The following PUDP variants were observed in gnomAD, a reference collection of about 807,000 sequenced individuals.
PUDP encodes the protein pseudouridine-5'-phosphatase.
A neutral mutation model predicts 9.4 loss-of-function variants in PUDP; 8 were observed. The observed-to-expected ratio is 0.85, with a 90% CI of 0.50 to 1.53. The LOEUF is 1.53. PUDP is among the 40% of genes most tolerant of loss of function. PUDP has a pLI of 0.00. For missense variants in PUDP, 188 were observed against 189.7 expected, an observed-to-expected ratio of 0.99 and a Z score of 0.05; for synonymous variants, 99 against 80.7, an observed-to-expected ratio of 1.23 and a Z score of -1.22.
chrX:6,821,036 T>C (rs1487655474), intron 3 of PUDP, among the ~76,000 whole-genome samples: 3 of 111,219 alleles, frequency 2.7e-5, no homozygotes, highest in Non-Finnish European at 5.7e-5. Flanking sequence ...TTCTGAAATC[T>C]AGGTGGAGGT....
intron 1 of PUDP, among the ~76,000 whole-genome samples, chrX:6,708,905 A>G (rs1924500719): frequency 8.9e-6 from 1 of 112,089 alleles, no homozygotes; most frequent in African/African-American, 3.2e-5. Flanking sequence ...TAATCTACTC[A>G]GTTTTAAACA....
intron 1 of PUDP, among the ~76,000 whole-genome samples, chrX:6,993,385 C>T (rs950384588): frequency 2.7e-5 from 3 of 111,608 alleles, no homozygotes; most frequent in East Asian, 2.8e-4. Context: ...CAAAATGTAA[C>T]GAAATGTAAC....
intron 3 of PUDP, among the ~76,000 whole-genome samples, chrX:6,789,127 T>C (rs1278196289): frequency 1.8e-5 from 2 of 110,501 alleles, no homozygotes; most frequent in African/African-American, 6.6e-5. Flanking sequence ...CCGTCTCTAC[T>C]AAAAATACAA....
intron 3 of PUDP, among the ~76,000 whole-genome samples, chrX:6,850,398 C>T (rs956455564): frequency 2.7e-5 from 3 of 112,068 alleles, no homozygotes; most frequent in Non-Finnish European, 3.8e-5. Flanking sequence ...TTCCAGACAA[C>T]GTCCTAGGAT....
At chrX:6,762,023 G>A (rs747991012) in intron 3 of PUDP, among the ~76,000 whole-genome samples, 36 of 110,966 alleles carry the variant, frequency 3.2e-4, no homozygotes, top group African/African-American at 9.8e-4. Flanking sequence ...AAACCACATC[G>A]CTCCAAAAAA....
At chrX:6,711,363 C>G (rs1309262171) in intron 1 of PUDP, among the ~76,000 whole-genome samples, 2 of 110,850 alleles carry the variant, frequency 1.8e-5, no homozygotes, top group Non-Finnish European at 1.9e-5. Context: ...TCTCTCTGAG[C>G]AGCGCTCCTT....
At chrX:7,026,678 C>T (rs1929715238) in intron 1 of PUDP, among the ~76,000 whole-genome samples, 1 of 111,447 alleles carries the variant, frequency 9.0e-6, no homozygotes, top group East Asian at 2.8e-4. Context: ...TGGTTTCCAC[C>T]ATTGGGAGTG....
chrX:6,761,215 G>T (rs1280034341), intron 3 of PUDP, among the ~76,000 whole-genome samples: 1 of 111,360 alleles, frequency 9.0e-6, no homozygotes, highest in Non-Finnish European at 1.9e-5. Flanking sequence ...ATTCCTGTAC[G>T]GTCTTATTTC....
At chrX:6,838,390 A>G (rs1243787017) in intron 3 of PUDP, among the ~76,000 whole-genome samples, 4 of 112,743 alleles carry the variant, frequency 3.5e-5, no homozygotes, top group South Asian at 7.4e-4. Context: ...TGTCACGCAG[A>G]TAGCTCAGAG....
intron 3 of PUDP, among the ~76,000 whole-genome samples, chrX:7,051,184 A>C (rs5978215): frequency 9.1e-6 from 1 of 110,136 alleles, no homozygotes; most frequent in Non-Finnish European, 1.9e-5. Flanking sequence ...AAAGAAAATG[A>C]GGCATATATA....
chrX:7,040,628 T>C (rs1938275001), intron 1 of PUDP, among the ~76,000 whole-genome samples: 1 of 111,913 alleles, frequency 8.9e-6, no homozygotes, highest in Non-Finnish European at 1.9e-5. Flanking sequence ...GGAAAATAAG[T>C]GCTTGAATTT....
At chrX:6,852,331 G>A (rs773549134) in intron 3 of PUDP, among the ~76,000 whole-genome samples, 23 of 112,257 alleles carry the variant, frequency 2.0e-4, no homozygotes, top group African/African-American at 5.5e-4. Flanking sequence ...AAGGCCAATC[G>A]GGCTGATGCA....
rs749628615 is a variant in PUDP at position 7,057,754 on chromosome X, G to A, written c.511-7282C>T. ...AGCAGTTGATTACACAGAAGGAGGA[G>A]CGCTGAGAAGGGATCCCGGCAGCCC... On this transcript the variant is annotated intron_variant, in intron 3 of 3. Coordinates refer to ENST00000381077, the MANE Select transcript of PUDP (RefSeq NM_012080.5). The A allele has an allele frequency of 3.5e-6, 4 of 1,152,019 alleles. No individual in the cohort carries two copies. In the African/African-American group the frequency reaches 7.3e-5, roughly 21 times the overall value. The allele number at this position is 1,152,019 out of a possible 1,213,427, so 94.9% of individuals were successfully genotyped here.
chrX:6,997,186 A>G (rs1929263913), intron 1 of PUDP, among the ~76,000 whole-genome samples: 1 of 112,328 alleles, frequency 8.9e-6, no homozygotes, highest in Non-Finnish European at 1.9e-5. Context: ...CTTGTCATAT[A>G]TGCTAGCTTT....
At chrX:6,889,230 G>C (rs1927476979) in intron 3 of PUDP, among the ~76,000 whole-genome samples, 1 of 112,118 alleles carries the variant, frequency 8.9e-6, no homozygotes, top group Non-Finnish European at 1.9e-5. Context: ...GAATGTGACA[G>C]GGAATATAAG....
intron 1 of PUDP, among the ~76,000 whole-genome samples, chrX:7,000,296 G>A (rs887051546): frequency 1.8e-5 from 2 of 111,229 alleles, no homozygotes; most frequent in African/African-American, 6.5e-5. Context: ...ACTGACTCAA[G>A]AAGAAACAGA....
intron 3 of PUDP, among the ~76,000 whole-genome samples, chrX:6,748,853 G>A (rs186830613): frequency 6.5e-4 from 73 of 112,012 alleles, no homozygotes; most frequent in African/African-American, 2.3e-3. Context: ...TGCTAAAATT[G>A]GAAACATACT....
At chrX:7,074,551 T>C (rs1420793222) in intron 3 of PUDP, among the ~76,000 whole-genome samples, 1 of 112,345 alleles carries the variant, frequency 8.9e-6, no homozygotes, top group Non-Finnish European at 1.9e-5. Flanking sequence ...AGTTTGTAAA[T>C]ACAGAACTGA....
intron 2 of PUDP, among the ~76,000 whole-genome samples, chrX:7,103,643 T>A (rs1397570155): frequency 6.2e-5 from 7 of 112,217 alleles, no homozygotes; most frequent in African/African-American, 2.3e-4. Context: ...AAAATGGTCA[T>A]AAGTCATATG....
Sources: allele counts gnomAD v4.1 joint callset (sites outside exome capture counted in the v4.1 genomes callset), GRCh38; gene constraint gnomAD v4.1.1; transcripts MANE v1.5; gene names NCBI Gene and HGNC (gene_info 2026-07-23, HGNC 2026-07-21).